Variants in FBLN7 observed in about 807,000 individuals in gnomAD.
FBLN7 encodes fibulin-7.
FBLN7 carries 31 observed loss-of-function variants against 44.0 expected under a neutral mutation model. That is an observed-to-expected ratio of 0.70 (90% CI 0.53 to 0.95). FBLN7 has a LOEUF of 0.95. FBLN7 is among the 40% of genes least tolerant of loss of function. FBLN7 has a pLI of 0.00. For missense variants in FBLN7, 573 were observed against 618.5 expected, an observed-to-expected ratio of 0.93 and a Z score of 0.78; for synonymous variants, 262 against 253.4, an observed-to-expected ratio of 1.03 and a Z score of -0.32.
In FBLN7 at chr2:112,160,644, ACG is replaced by A. The variant is rs1266219111; in HGVS notation, c.235+813_235+814del. Reference sequence around the variant, plus strand: ...CCACACCCTCTGTGCGTGCACACACACGCGCACGCACACGCGCACGCACACGC... The same window carrying A: ...CCACACCCTCTGTGCGTGCACACACACGCACGCACACGCGCACGCACACGC... On this transcript the variant is annotated intron_variant, in intron 2 of 7. Transcript: ENST00000331203. Among the ~76,000 whole-genome samples the A allele has an allele frequency of 6.9e-3, 24 of 3,490 alleles. No homozygotes were observed. The East Asian group carries it at 0.12, about 18-fold the overall frequency. 2.3% of individuals were successfully genotyped at this position (3,490 alleles called of 152,430 possible).
At chr2:112,149,407 G>C (rs1027706320) in intron 1 of FBLN7, among the ~76,000 whole-genome samples, 1 of 152,206 alleles carries the variant, frequency 6.6e-6, no homozygotes, top group African/African-American at 2.4e-5. Context: ...TTTGGCACTA[G>C]ACTTGATTGC....
At chr2:112,209,461 C>G in the FBLN7 span, among the ~76,000 whole-genome samples, 1 of 152,140 alleles carries the variant, frequency 6.6e-6, no homozygotes, top group Non-Finnish European at 1.5e-5. Flanking sequence ...CATAGGCTTA[C>G]TTTGACAATT....
chr2:112,224,828 A>G, the FBLN7 span, among the ~76,000 whole-genome samples: 1 of 152,218 alleles, frequency 6.6e-6, no homozygotes, highest in East Asian at 1.9e-4. Flanking sequence ...AAGGAGAAGA[A>G]TGAATTGTAG....
the FBLN7 span, among the ~76,000 whole-genome samples, chr2:112,211,078 CA>C: frequency 6.6e-6 from 1 of 152,142 alleles, no homozygotes; most frequent in East Asian, 1.9e-4. Flanking sequence ...AGTGGCTGTC[CA>C]CAAGTCCTAG....
chr2:112,222,702 G>A, the FBLN7 span, among the ~76,000 whole-genome samples: 8 of 152,294 alleles, frequency 5.3e-5, no homozygotes, highest in Non-Finnish European at 8.8e-5. Context: ...TCACTTATAT[G>A]AGATATCTAA....
At chr2:112,182,684 C>T (rs934976140) in intron 5 of FBLN7, 107 bp from the exon 6 acceptor site, 26 of 1,405,994 alleles carry the variant, frequency 1.8e-5, no homozygotes, top group Non-Finnish European at 2.3e-5. Context: ...AGCCACTTAA[C>T]TGCAGCTGCC....
Position 112,185,240 on chromosome 2 carries a change from A to AGGG in FBLN7, c.850_852dup (p.Gly284dup). On this transcript the variant is annotated inframe_insertion, in exon 7 of 8. Transcript: ENST00000331203. Reference sequence around the variant, plus strand: ...GTGGGCCTGCAGCCGGTGTGCCCCCAGGGGACCACATGCATCAACACCGGT... The same window carrying AGGG: ...GTGGGCCTGCAGCCGGTGTGCCCCCAGGGGGGGACCACATGCATCAACACCGGT... 1 of 1,613,902 alleles carries AGGG rather than the reference A, an allele frequency of 6.2e-7. No homozygotes were observed. The highest frequency in any genetic ancestry group is 8.5e-7 in the Non-Finnish European group (1 of 1,179,874).
intron 3 of FBLN7, among the ~76,000 whole-genome samples, chr2:112,174,436 C>G (rs1043210874): frequency 6.6e-6 from 1 of 152,162 alleles, no homozygotes; most frequent in Admixed American, 6.5e-5. Context: ...TTAAGGGAAG[C>G]CTAAGTCCCT....
At chr2:112,232,842 T>TA in the FBLN7 span, among the ~76,000 whole-genome samples, 1 of 152,230 alleles carries the variant, frequency 6.6e-6, no homozygotes, top group Admixed American at 6.5e-5. Flanking sequence ...GAGCTAAGGC[T>TA]ATTCTGCAAA....
chr2:112,185,392 G>A, intron 7 of FBLN7, 53 bp downstream of exon 7: 1 of 1,587,972 alleles, frequency 6.3e-7, no homozygotes, highest in Non-Finnish European at 8.6e-7. Flanking sequence ...AGTGTGGCTG[G>A]GCTGGATGCT....
At chr2:112,231,042 T>A in the FBLN7 span, 1 of 821,542 alleles carries the variant, frequency 1.2e-6, no homozygotes, top group Non-Finnish European at 1.6e-6. Context: ...ATGATTCCAA[T>A]CAAATTCATC....
At chr2:112,191,287 T>C (rs1029721865), downstream of FBLN7, among the ~76,000 whole-genome samples, 3 of 152,278 alleles carry the variant, frequency 2.0e-5, no homozygotes, top group Admixed American at 1.3e-4. Flanking sequence ...GTGATTCTCA[T>C]GCCTCAGCCT....
chr2:112,155,401 C>T (rs577843006), intron 1 of FBLN7, among the ~76,000 whole-genome samples: 27 of 152,332 alleles, frequency 1.8e-4, no homozygotes, highest in South Asian at 1.7e-3. Context: ...GTCAAAGGCA[C>T]GGATACTCTC....
chr2:112,237,014 C>T, the FBLN7 span, among the ~76,000 whole-genome samples: 4 of 152,284 alleles, frequency 2.6e-5, no homozygotes, highest in Non-Finnish European at 2.9e-5. Context: ...TGAGCTATGA[C>T]TGCACTGCTG....
At chr2:112,164,315 G>A (rs1682025066) in intron 2 of FBLN7, among the ~76,000 whole-genome samples, 2 of 152,324 alleles carry the variant, frequency 1.3e-5, no homozygotes, top group Non-Finnish European at 2.9e-5. Flanking sequence ...CCAGGCAGTG[G>A]GCTGGTGCTG....
At chr2:112,184,801 TATATACATATATATATATACC>T (rs989573509) in intron 6 of FBLN7, among the ~76,000 whole-genome samples, 2 of 114,186 alleles carry the variant, frequency 1.8e-5, no homozygotes, top group Admixed American at 1.8e-4. Flanking sequence ...ATATATACCA[TATATACATATATATATATACC>T]ATATACATAT....
intron 1 of FBLN7, among the ~76,000 whole-genome samples, chr2:112,155,971 T>C (rs1270671416): frequency 6.6e-6 from 1 of 152,158 alleles, no homozygotes; most frequent in Non-Finnish European, 1.5e-5. Flanking sequence ...GAGCCCTCCA[T>C]GTACCCGGGG....
At chr2:112,209,881 C>T in the FBLN7 span, among the ~76,000 whole-genome samples, 16,431 of 151,376 alleles carry the variant, frequency 0.11, 1,186 homozygotes, top group Non-Finnish European at 0.16. Flanking sequence ...CACAGGTCAG[C>T]CTGGCCTGGG....
chr2:112,224,562 G>A, the FBLN7 span, among the ~76,000 whole-genome samples: 6 of 152,096 alleles, frequency 3.9e-5, no homozygotes, highest in African/African-American at 1.2e-4. Flanking sequence ...ATAAATGTTC[G>A]CTGAAGCTTT....
Sources: gnomAD v4.1 joint callset for allele counts (sites outside exome capture counted in the v4.1 genomes callset) on GRCh38, gnomAD v4.1.1 for gene constraint, MANE v1.5 for transcripts, NCBI Gene and HGNC (gene_info 2026-07-23, HGNC 2026-07-21) for gene names.